Variants in CPAMD8 observed in about 807,000 individuals in gnomAD.
CPAMD8 encodes the protein C3 and PZP like alpha-2-macroglobulin domain containing 8.
CPAMD8 carries 146 observed loss-of-function variants against 224.7 expected under a neutral mutation model. The observed-to-expected ratio is 0.65, with a 90% CI of 0.57 to 0.75. CPAMD8 has a LOEUF of 0.75. Among genes scored for constraint, CPAMD8 ranks in the 30% least tolerant of loss-of-function variants. The pLI is 0.00. For missense variants in CPAMD8, 2,301 were observed against 2,537.5 expected (o/e 0.91, Z 2.00); for synonymous variants, 966 against 1,044.6 (o/e 0.92, Z 1.45).
rs543423430 is a variant in CPAMD8, at chr19:17,001,948, C to A, written c.758+318G>T. 3.3e-5 allele frequency among the ~76,000 whole-genome samples: 5 copies of A among 149,854 alleles called. No individual in the cohort carries two copies. In the South Asian group the frequency reaches 1.1e-3, roughly 32 times the overall value. On this transcript the variant is annotated intron_variant, in intron 9 of 41. Coordinates refer to ENST00000443236, the MANE Select transcript of CPAMD8 (RefSeq NM_015692.5). Reference sequence around the variant, plus strand: ...GGGAACCCACAGGGGAGGAGCCCAGCAGGGAGGGAGATACTTTAGAGGGAG... The same window carrying A: ...GGGAACCCACAGGGGAGGAGCCCAGAAGGGAGGGAGATACTTTAGAGGGAG...
In CPAMD8 at chr19:16,938,440, CT is replaced by C; in HGVS notation, c.2799del (p.Gly934GlufsTer64). On this transcript the variant is annotated frameshift_variant, in exon 23 of 42. Coordinates refer to ENST00000443236, the MANE Select transcript of CPAMD8 (RefSeq NM_015692.5). LOFTEE classifies it high-confidence loss of function. ...CTGTAGGTGTACGCCCGGGGGACTC[CT>C]TCCGCCTGAAACAAAGAAACAAGGA... ...HVRRSVMVEA[E>X]GVPRAYTYSA... The C allele has an allele frequency of 6.3e-7, 1 of 1,577,600 alleles. No individual in the cohort carries two copies. The highest frequency in any genetic ancestry group is 8.6e-7 in the Non-Finnish European group (1 of 1,162,364).
intron 23 of CPAMD8, 44 bp from the exon 24 acceptor site, chr19:16,929,284 G>T: frequency 6.6e-7 from 1 of 1,507,520 alleles, no homozygotes; most frequent in Non-Finnish European, 9.0e-7. Context: ...GGCACCTGGA[G>T]GCATCCCACT....
intron 21 of CPAMD8, 122 bp from the exon 22 acceptor site, chr19:16,945,801 G>T: frequency 2.3e-6 from 2 of 879,362 alleles, no homozygotes; most frequent in African/African-American, 1.6e-5. Flanking sequence ...GCATGTGTGT[G>T]TGTATATGCA....
At chr19:16,924,357 T>C (rs1267568985) in intron 26 of CPAMD8, among the ~76,000 whole-genome samples, 1 of 152,086 alleles carries the variant, frequency 6.6e-6, no homozygotes. Flanking sequence ...AGGTACAGGC[T>C]GTTATTCACG....
chr19:16,937,330 T>G (rs1282220927), intron 23 of CPAMD8, among the ~76,000 whole-genome samples: 1 of 151,966 alleles, frequency 6.6e-6, no homozygotes, highest in African/African-American at 2.4e-5. Flanking sequence ...GCTTGTTTGT[T>G]TAATTTTTTG....
Position 16,952,078 on chromosome 19 carries a change from T to C in CPAMD8, c.2399A>G (p.Lys800Arg). The change falls in exon 20 of 42, where the codon AAG (lysine) becomes AGG (arginine). Residue 800 changes from lysine (K) to arginine (R), a missense_variant. Around this residue, in one of 4 missense-constraint regions of CPAMD8, gnomAD observed 1,709 missense variants for 1,753.2 expected, o/e 0.97. Transcript: ENST00000443236. Reference sequence around the variant, plus strand: ...GTCCACGAAGAAGGGCTTGAAGGTCTTCAGCAGGGAGGGCTCGGCGATGCC... The same window carrying C: ...GTCCACGAAGAAGGGCTTGAAGGTCCTCAGCAGGGAGGGCTCGGCGATGCC... ...GLGIAEPSLL[K>R]TFKPFFVDFM... 2 of 1,566,390 alleles carry C rather than the reference T, an allele frequency of 1.3e-6. No individual in the cohort carries two copies. Among genetic ancestry groups the C allele is most frequent in the Non-Finnish European group, 1.7e-6 (2 of 1,154,110 alleles).
At chr19:17,001,090 G>C (rs922816184) in intron 9 of CPAMD8, among the ~76,000 whole-genome samples, 4 of 152,092 alleles carry the variant, frequency 2.6e-5, no homozygotes, top group African/African-American at 9.7e-5. Context: ...GGGAGGCCAA[G>C]GTGGGCAGAT....
At chr19:17,014,483 C>G (rs1006605487) in intron 3 of CPAMD8, among the ~76,000 whole-genome samples, 3 of 152,114 alleles carry the variant, frequency 2.0e-5, no homozygotes, top group Admixed American at 1.3e-4. Flanking sequence ...TGTTTTCACA[C>G]TGGTGATAAA....
chr19:16,928,395 C>G (rs903010421), intron 24 of CPAMD8, among the ~76,000 whole-genome samples, 161 bp from the exon 25 acceptor site: 2 of 152,188 alleles, frequency 1.3e-5, no homozygotes, highest in African/African-American at 2.4e-5. Flanking sequence ...AATCAGGTTA[C>G]CCCATCCATT....
At chr19:16,928,821 G>A (rs1214008902) in intron 24 of CPAMD8, 121 bp downstream of exon 24, 2 of 723,868 alleles carry the variant, frequency 2.8e-6, no homozygotes, top group Admixed American at 3.1e-5. Context: ...ACTTGAGGTG[G>A]TGCTCCATGT....
chr19:16,894,359 G>A, intron 41 of CPAMD8: 1 of 455,780 alleles, frequency 2.2e-6, no homozygotes, highest in Non-Finnish European at 4.4e-6. Context: ...AGAGTCACAG[G>A]CTGATAGGGA....
rs181377575 is a variant in CPAMD8, at chr19:16,987,964, G to A, written c.1395+1679C>T. 5.3e-4 allele frequency among the ~76,000 whole-genome samples: 81 copies of A among 152,070 alleles called. 1 individual carries two copies. In the Middle Eastern group the frequency reaches 0.01, roughly 19 times the overall value. The stretch of plus-strand genomic sequence containing the variant: ...CAGGTGTGAGCCACCACGCCCGGTC[G>A]GGAACTCTACTTTTTGTTCAAGGTT... On this transcript the variant is annotated intron_variant, in intron 13 of 41. Coordinates refer to ENST00000443236, the MANE Select transcript of CPAMD8 (RefSeq NM_015692.5).
At chr19:16,968,400 T>C (rs374732853) in intron 18 of CPAMD8, among the ~76,000 whole-genome samples, 7 of 152,058 alleles carry the variant, frequency 4.6e-5, no homozygotes, top group South Asian at 2.1e-4. Context: ...CTGTTTTATA[T>C]AGAGAGGGCT....
chr19:16,914,740 C>T lies in CPAMD8; in HGVS notation c.3703G>A (p.Ala1235Thr), dbSNP rs776156308. 6.2e-7 allele frequency: 1 copy of T among 1,613,978 alleles called. No individual in the cohort carries two copies. Among genetic ancestry groups the T allele is most frequent in the Non-Finnish European group, 8.5e-7 (1 of 1,180,018 alleles). Residue 1235 changes from alanine to threonine, a missense_variant, in exon 28 of 42, where the codon GCC (alanine) becomes ACC (threonine). Ala to Thr is a moderately conservative substitution (Grantham distance 58, BLOSUM62 0). Transcript: ENST00000443236. ...TGCTGGATGATCCAGCTCTTGGCGG[C>T]AGCCAGCTCCCGGGGGTCCACGAAG... is the stretch of plus-strand genomic sequence containing the variant. ...FIFVDPRELA[A>T]AKSWIIQQQQ...
In CPAMD8 at chr19:16,980,564, C is replaced by G. The variant is rs375281000; in HGVS notation, c.1518G>C (p.Gln506His). The part of the protein sequence containing the change: ...LSGQQPAHTT[Q>H]QRSKRAAPAL... ...CAGGGGCCGCCCGCTTGCTTCGCTGCTGGGTGGTGTGGGCAGGCTGCTGGC... is the reference window on the plus strand; with the variant it reads ...CAGGGGCCGCCCGCTTGCTTCGCTGGTGGGTGGTGTGGGCAGGCTGCTGGC... Residue 506 changes from glutamine to histidine, a missense_variant, in exon 14 of 42, where the codon CAG becomes CAC. By Grantham distance (24) the Gln-to-His change is conservative (BLOSUM62 0). Transcript: ENST00000443236. 11 of 1,613,872 alleles carry G rather than the reference C, an allele frequency of 6.8e-6. No individual in the cohort carries two copies. In the African/African-American group the frequency reaches 1.5e-4, roughly 22 times the overall value.
At chr19:16,900,655 C>T (rs2052215206) in intron 36 of CPAMD8, among the ~76,000 whole-genome samples, 1 of 151,902 alleles carries the variant, frequency 6.6e-6, no homozygotes, top group African/African-American at 2.4e-5. Context: ...CCTGTTGGAG[C>T]AGCCCCCACC....
intron 2 of CPAMD8, among the ~76,000 whole-genome samples, chr19:17,021,163 C>T (rs1411248364): frequency 1.3e-5 from 2 of 152,134 alleles, no homozygotes; most frequent in South Asian, 4.1e-4. Flanking sequence ...CTGGTGCTTC[C>T]CCTGATCTTA....
chr19:16,902,977 T>C (rs1321009668), intron 34 of CPAMD8, 114 bp from the exon 35 acceptor site: 1 of 638,244 alleles, frequency 1.6e-6, no homozygotes, highest in Non-Finnish European at 2.8e-6. Context: ...ATGAGGACAA[T>C]GACATCCATG....
Position 17,005,200 on chromosome 19 carries a change from G to A in CPAMD8, c.560-814C>T, listed in dbSNP as rs1458990608. ...AAGTCCCCCAGACATTGCCAATATC[G>A]CCCCTAGGGGGCAAAGTCACCCCTT... is the stretch of plus-strand genomic sequence containing the variant. On this transcript the variant is annotated intron_variant, in intron 7 of 41. Coordinates refer to ENST00000443236, the MANE Select transcript of CPAMD8 (RefSeq NM_015692.5). 4.0e-5 allele frequency among the ~76,000 whole-genome samples: 6 copies of A among 151,322 alleles called. No individual in the cohort carries two copies. The East Asian group carries it at 7.8e-4, about 20-fold the overall frequency.
Sources: allele counts gnomAD v4.1 joint callset (sites outside exome capture counted in the v4.1 genomes callset), GRCh38; gene constraint gnomAD v4.1.1; regional missense constraint gnomAD v4.1.1; transcripts MANE v1.5; gene names NCBI Gene and HGNC (gene_info 2026-07-23, HGNC 2026-07-21).